Variants in PTK2 observed in about 807,000 individuals in gnomAD.
PTK2 encodes the protein protein tyrosine kinase 2.
In PTK2, 45 loss-of-function variants were observed where a neutral mutation model predicts 150.1. That is an observed-to-expected ratio of 0.30 (90% CI 0.24 to 0.38). PTK2 has a LOEUF of 0.38. PTK2 is among the 10% of genes least tolerant of loss of function. The pLI, the probability that PTK2 is intolerant of heterozygous loss-of-function variation, is 1.00. For missense variants in PTK2, 919 were observed against 1,307.3 expected (o/e 0.70, Z 4.58); for synonymous variants, 432 against 449.2 (o/e 0.96, Z 0.48).
intron 13 of PTK2, 48 bp from the exon 14 acceptor site, chr8:140,789,574 C>A (rs753421029): frequency 3.2e-6 from 5 of 1,580,848 alleles, no homozygotes; most frequent in Non-Finnish European, 4.3e-6. Flanking sequence ...TTCCCCAGGA[C>A]CCCGCAACTC....
chr8:140,975,150 T>C (rs1371020789), intron 1 of PTK2, among the ~76,000 whole-genome samples: 1 of 152,204 alleles, frequency 6.6e-6, no homozygotes, highest in Admixed American at 6.5e-5. Flanking sequence ...CTCTGAACTT[T>C]ATCCCTCTCA....
chr8:140,808,733 GTTTTTTTTTT>G (rs57600032), intron 10 of PTK2, among the ~76,000 whole-genome samples: 1 of 116,594 alleles, frequency 8.6e-6, no homozygotes, highest in South Asian at 2.7e-4. Flanking sequence ...TTTTGTTCTT[GTTTTTTTTTT>G]TTTTTTTTTT....
In PTK2 at chr8:140,830,545, C is replaced by T. The variant is rs774265216; in HGVS notation, c.594-19G>A. 4 of 1,430,740 alleles carry T rather than the reference C, an allele frequency of 2.8e-6. No individual in the cohort carries two copies. The highest frequency in any genetic ancestry group is 3.8e-6 in the Non-Finnish European group (4 of 1,048,230). The allele number at this position is 1,430,740 out of a possible 1,614,324, so 88.6% of individuals were successfully genotyped here. ...ATCTTTTCTGAAATATAAAAAGAAG[C>T]GTATTAACAAATAACACCACCAAAT... is the stretch of plus-strand genomic sequence containing the variant. On this transcript the variant is annotated intron_variant, in intron 7 of 31. Coordinates refer to ENST00000522684, the Ensembl canonical transcript of PTK2.
chr8:140,687,034 T>C, intron 26 of PTK2: 1 of 269,228 alleles, frequency 3.7e-6, no homozygotes, highest in Non-Finnish European at 7.1e-6. Flanking sequence ...CAGGCATTAC[T>C]TGCGGCTTTC....
intron 30 of PTK2, among the ~76,000 whole-genome samples, chr8:140,665,273 A>G (rs1002296200): frequency 2.0e-5 from 3 of 148,556 alleles, no homozygotes; most frequent in Non-Finnish European, 4.5e-5. Flanking sequence ...GGAAAGCAGG[A>G]TTTTTTTTTT....
chr8:140,811,634 C>T (rs1273023479), intron 10 of PTK2, among the ~76,000 whole-genome samples: 1 of 152,122 alleles, frequency 6.6e-6, no homozygotes, highest in East Asian at 1.9e-4. Flanking sequence ...TGTAGGAGTA[C>T]ACTGAAACCC....
chr8:140,682,707 T>A (rs1029004713), intron 27 of PTK2, among the ~76,000 whole-genome samples: 1 of 150,242 alleles, frequency 6.7e-6, no homozygotes, highest in African/African-American at 2.4e-5. Context: ...GAATCAGTAC[T>A]AAGAAGATTG....
chr8:140,991,651 A>G (rs575911682), intron 1 of PTK2, among the ~76,000 whole-genome samples: 1 of 152,294 alleles, frequency 6.6e-6, no homozygotes, highest in South Asian at 2.1e-4. Flanking sequence ...ATTTCTTTCA[A>G]AACACCCTAA....
intron 16 of PTK2, among the ~76,000 whole-genome samples, chr8:140,758,414 A>G (rs1216951764): frequency 6.6e-6 from 1 of 152,206 alleles, no homozygotes; most frequent in Non-Finnish European, 1.5e-5. Context: ...AAAACAAAAC[A>G]AAACAAAAAC....
chr8:140,698,609 ATG>A (rs2100028271), intron 26 of PTK2, among the ~76,000 whole-genome samples: 1 of 151,728 alleles, frequency 6.6e-6, no homozygotes, highest in Admixed American at 6.6e-5. Flanking sequence ...GTGTGCCACC[ATG>A]CCTGGCTAAT....
At chr8:140,658,191 G>A (rs1030610864) in exon 32 of PTK2, 4 of 153,794 alleles carry the variant, frequency 2.6e-5, no homozygotes, top group African/African-American at 9.6e-5. Context: ...AATAGGTGAC[G>A]ATGGAATGAA....
intron 5 of PTK2, among the ~76,000 whole-genome samples, chr8:140,850,339 T>C (rs1409803263): frequency 6.6e-6 from 1 of 151,784 alleles, no homozygotes. Context: ...GGCGGGAGAA[T>C]TGCTTGAACC....
intron 2 of PTK2, among the ~76,000 whole-genome samples, chr8:140,898,161 T>A (rs931655108): frequency 5.9e-5 from 9 of 152,274 alleles, no homozygotes; most frequent in Middle Eastern, 3.4e-3. Flanking sequence ...GAAGTTTTTT[T>A]AAAAAAAGAC....
chr8:140,898,284 G>C (rs1376523768), intron 2 of PTK2, among the ~76,000 whole-genome samples: 2 of 152,130 alleles, frequency 1.3e-5, no homozygotes, highest in Non-Finnish European at 2.9e-5. Flanking sequence ...TCTTGTCCTA[G>C]GCTGTTAAAC....
At chr8:140,675,634 T>G in intron 27 of PTK2, 135 bp from the exon 31 acceptor site, 1 of 667,452 alleles carries the variant, frequency 1.5e-6, no homozygotes, top group Admixed American at 2.7e-5. Context: ...AAAACAGGGT[T>G]CTGCATAAGG....
intron 27 of PTK2, 174 bp from the exon 31 acceptor site, chr8:140,675,673 T>A (rs1249517173): frequency 3.4e-6 from 2 of 580,494 alleles, no homozygotes; most frequent in African/African-American, 3.8e-5. Flanking sequence ...ATCAGGCAAA[T>A]AAGCAAATGA....
chr8:140,948,147 C>T (rs78866173), intron 1 of PTK2, among the ~76,000 whole-genome samples: 2,366 of 152,146 alleles, frequency 0.016, 29 homozygotes, highest in Admixed American at 0.029. Context: ...ACAGGGAATA[C>T]CACCTTCATG....
chr8:140,832,320 G>A (rs1008400508), intron 7 of PTK2, among the ~76,000 whole-genome samples: 12 of 152,170 alleles, frequency 7.9e-5, no homozygotes, highest in Non-Finnish European at 1.0e-4. Context: ...CTCCCAAAGC[G>A]CTGGGATTAC....
intron 4 of PTK2, among the ~76,000 whole-genome samples, chr8:140,870,128 C>T (rs1355766233): frequency 6.6e-6 from 1 of 152,028 alleles, no homozygotes; most frequent in Non-Finnish European, 1.5e-5. Flanking sequence ...AGTACTAAGG[C>T]ACAAAGAATC....
Sources: allele counts gnomAD v4.1 joint callset (sites outside exome capture counted in the v4.1 genomes callset), GRCh38; gene constraint gnomAD v4.1.1; transcripts MANE v1.5; gene names NCBI Gene and HGNC (gene_info 2026-07-23, HGNC 2026-07-21).